Variants in HTR1E observed in about 807,000 individuals in gnomAD.
HTR1E encodes the protein 5-hydroxytryptamine receptor 1E.
Under a neutral mutation model 3.4 loss-of-function variants are expected in HTR1E, and 3 were observed. The observed-to-expected ratio is 0.89, with a 90% CI of 0.41 to 2.31. HTR1E has a LOEUF of 2.31. Among genes scored for constraint, HTR1E ranks in the 30% most tolerant of loss-of-function variants. HTR1E has a pLI of 0.05. For missense variants in HTR1E, 392 were observed against 467.0 expected (o/e 0.84, Z 1.48); for synonymous variants, 170 against 182.8 (o/e 0.93, Z 0.56).
intron 1 of HTR1E, among the ~76,000 whole-genome samples, chr6:87,013,885 T>A (rs191993594): frequency 6.6e-6 from 1 of 151,860 alleles, no homozygotes; most frequent in Non-Finnish European, 1.5e-5. Flanking sequence ...AACAAACATA[T>A]GAAAAAAAGC....
Position 87,016,612 on chromosome 6 carries a change from G to C in HTR1E, c.*180G>C, listed in dbSNP as rs546457254. The C allele has an allele frequency of 2.1e-5, 11 of 524,616 alleles. No homozygotes were observed. Among genetic ancestry groups the C allele is most frequent in the South Asian group, 5.2e-5 (1 of 19,254 alleles). 32.5% of individuals were successfully genotyped at this position (524,616 alleles called of 1,614,324 possible). The stretch of plus-strand genomic sequence containing the variant: ...TTTTGTTTGAGGATTGTTATTTGGC[G>C]TGCTGTTTTCTACCTCTGGTCTTAT... On this transcript the variant is annotated 3_prime_UTR_variant, in exon 2 of 2. Transcript: ENST00000305344.
rs1375281019 is a variant in HTR1E, at chr6:87,015,211, G to C, written c.-124G>C. On this transcript the variant is annotated 5_prime_UTR_variant, in exon 2 of 2. Coordinates refer to ENST00000305344, the MANE Select transcript of HTR1E (RefSeq NM_000865.3). ...TTTACCAACAGAAAATGGAACACAA[G>C]AGACCACATAGCTGAACAAATTATA... is the stretch of plus-strand genomic sequence containing the variant. 1 of 700,124 alleles carries C rather than the reference G, an allele frequency of 1.4e-6. No homozygotes were observed. The highest frequency in any genetic ancestry group is 1.8e-5 in the African/African-American group (1 of 54,816). The allele number at this position is 700,124 out of a possible 1,614,324, so 43.4% of individuals were successfully genotyped here. A position where few individuals can be genotyped will look rare whatever the true frequency, so the allele number is the denominator to read the frequency against.
intron 1 of HTR1E, among the ~76,000 whole-genome samples, chr6:86,954,198 C>A (rs549495752): frequency 1.5e-4 from 23 of 152,302 alleles, no homozygotes; most frequent in African/African-American, 5.5e-4. Flanking sequence ...CCACAAGGGG[C>A]TAGAACTGTG....
At chr6:86,977,648 G>C (rs1767657256) in intron 1 of HTR1E, among the ~76,000 whole-genome samples, 1 of 152,184 alleles carries the variant, frequency 6.6e-6, no homozygotes, top group African/African-American at 2.4e-5. Context: ...CCCACCAACA[G>C]TGTGTAAGCG....
At chr6:86,959,035 C>A (rs571658054) in intron 1 of HTR1E, among the ~76,000 whole-genome samples, 2 of 151,454 alleles carry the variant, frequency 1.3e-5, no homozygotes, top group Non-Finnish European at 2.9e-5. Flanking sequence ...GTTGTGGAGC[C>A]TGGCAAGTTC....
intron 1 of HTR1E, among the ~76,000 whole-genome samples, chr6:86,942,131 T>C (rs1410969437): frequency 1.3e-5 from 2 of 152,078 alleles, no homozygotes; most frequent in African/African-American, 4.8e-5. Context: ...CTGAGAGGTA[T>C]AAAAGATGCT....
intron 1 of HTR1E, among the ~76,000 whole-genome samples, chr6:87,013,394 T>C (rs187924002): frequency 8.5e-5 from 13 of 152,314 alleles, no homozygotes; most frequent in African/African-American, 2.9e-4. Flanking sequence ...ACTCATGATA[T>C]TTTTTATGTC....
At chr6:87,003,029 C>T (rs1288742099) in intron 1 of HTR1E, among the ~76,000 whole-genome samples, 4 of 152,162 alleles carry the variant, frequency 2.6e-5, no homozygotes. Context: ...ACGTATTCTT[C>T]TCTTCAGCAC....
In HTR1E at chr6:87,015,486, A is replaced by G. The variant is rs1461669086; in HGVS notation, c.152A>G (p.Lys51Arg). 6.2e-7 allele frequency: 1 copy of G among 1,614,078 alleles called. No homozygotes were observed. Among genetic ancestry groups the G allele is most frequent in the African/African-American group, 1.3e-5 (1 of 74,998 alleles). Residue 51 changes from lysine (K) to arginine (R), a missense_variant, in exon 2 of 2, where the codon AAG becomes AGG. Coordinates refer to ENST00000305344, the MANE Select transcript of HTR1E (RefSeq NM_000865.3). ...LAVIMAIGTT[K>R]KLHQPANYLI... ...GTGATCATGGCTATTGGCACCACCA[A>G]GAAGCTCCACCAGCCTGCCAACTAC...
Position 87,016,414 on chromosome 6 carries a change from A to T in HTR1E, c.1080A>T (p.Arg360Ser). ...AGCTGGCTTTTAAAAAGCTCATTAG[A>T]TGCCGAGAGCATACTTAGACTGTAA... ...DFKLAFKKLI[R>S]CREHT is the part of the protein sequence containing the mutation. Residue 360 changes from arginine to serine, a missense_variant, in exon 2 of 2, where the codon AGA becomes AGT. Arg to Ser is a moderately radical substitution (Grantham distance 110). Around this residue, in one of 3 missense-constraint regions of HTR1E, gnomAD observed 25 missense variants for 44.1 expected, o/e 0.57. Transcript: ENST00000305344. 6.2e-7 allele frequency: 1 copy of T among 1,602,682 alleles called. No homozygotes were observed. Among genetic ancestry groups the T allele is most frequent in the African/African-American group, 1.3e-5 (1 of 74,734 alleles).
At chr6:86,944,944 TAAAC>T (rs1462760365) in intron 1 of HTR1E, among the ~76,000 whole-genome samples, 1 of 152,150 alleles carries the variant, frequency 6.6e-6, no homozygotes, top group East Asian at 1.9e-4. Flanking sequence ...TACTTGATAA[TAAAC>T]AACTGTTACT....
intron 1 of HTR1E, among the ~76,000 whole-genome samples, chr6:86,947,137 A>T (rs1768628306): frequency 6.6e-6 from 1 of 152,170 alleles, no homozygotes; most frequent in Admixed American, 6.5e-5. Flanking sequence ...TGCACAGAGA[A>T]GGTTTCCATG....
chr6:86,999,481 A>G (rs1004141082), intron 1 of HTR1E, among the ~76,000 whole-genome samples: 10 of 152,346 alleles, frequency 6.6e-5, no homozygotes, highest in African/African-American at 2.2e-4. Flanking sequence ...CATACATAAA[A>G]TGAGGACTAA....
intron 1 of HTR1E, among the ~76,000 whole-genome samples, chr6:86,943,053 AC>A (rs1167281553): frequency 1.3e-5 from 2 of 152,206 alleles, no homozygotes; most frequent in African/African-American, 4.8e-5. Context: ...TGTACTGAGT[AC>A]CCTTTCTCAG....
Position 86,991,324 on chromosome 6 carries a change from G to A in HTR1E, c.-185-23826G>A, listed in dbSNP as rs150883114. Among the ~76,000 whole-genome samples the A allele has an allele frequency of 1.1e-4, 16 of 152,228 alleles. No homozygotes were observed. The East Asian group carries it at 2.1e-3, about 20-fold the overall frequency. ...AATCTGAAGTTTAGTTAATAGTAAC[G>A]AGCCAATGTCTTTTTCTTAATTTTG... On this transcript the variant is annotated intron_variant, in intron 1 of 1. Coordinates refer to ENST00000305344, the MANE Select transcript of HTR1E (RefSeq NM_000865.3).
At chr6:86,963,610 T>C (rs193101284) in intron 1 of HTR1E, among the ~76,000 whole-genome samples, 15 of 152,318 alleles carry the variant, frequency 9.8e-5, no homozygotes, top group Admixed American at 2.6e-4. Flanking sequence ...AAATGCCCTA[T>C]ACAGATGTAC....
chr6:86,975,220 A>C (rs544790454), intron 1 of HTR1E, among the ~76,000 whole-genome samples: 21 of 152,276 alleles, frequency 1.4e-4, no homozygotes, highest in Admixed American at 4.6e-4. Context: ...AAAGGTTCCA[A>C]CTCCATTGAG....
At position 87,015,207 on chromosome 6, in the gene HTR1E, A is replaced by G. The variant is rs1028012200; in HGVS notation, c.-128A>G. On this transcript the variant is annotated 5_prime_UTR_variant, in exon 2 of 2. Coordinates refer to ENST00000305344, the MANE Select transcript of HTR1E (RefSeq NM_000865.3). ...TCCCTTTACCAACAGAAAATGGAAC[A>G]CAAGAGACCACATAGCTGAACAAAT... 1 of 650,796 alleles carries G rather than the reference A, an allele frequency of 1.5e-6. No individual in the cohort carries two copies. Among genetic ancestry groups the G allele is most frequent in the South Asian group, 6.6e-5 (1 of 15,044 alleles). 40.3% of individuals were successfully genotyped at this position (650,796 alleles called of 1,614,324 possible). A position where few individuals can be genotyped will look rare whatever the true frequency, so the allele number is the denominator to read the frequency against.
chr6:86,968,272 TAATTA>T (rs1767503042), intron 1 of HTR1E, among the ~76,000 whole-genome samples: 1 of 152,210 alleles, frequency 6.6e-6, no homozygotes, highest in Admixed American at 6.5e-5. Context: ...TTACAAACAA[TAATTA>T]AATAAGTAGC....
Sources: gnomAD v4.1 joint callset for allele counts (sites outside exome capture counted in the v4.1 genomes callset) on GRCh38, gnomAD v4.1.1 for gene constraint, gnomAD v4.1.1 regional missense constraint, MANE v1.5 for transcripts, NCBI Gene and HGNC (gene_info 2026-07-23, HGNC 2026-07-21) for gene names.